DPP4: variants seen among roughly 807,000 people sequenced by gnomAD.
DPP4 encodes the protein ADCP-2.
In DPP4, 93 loss-of-function variants were observed where a neutral mutation model predicts 122.4. The observed-to-expected ratio is 0.76, with a 90% CI of 0.64 to 0.90. The LOEUF is 0.90. Ranked by LOEUF, DPP4 falls within the 40% of genes least tolerant of loss-of-function variation. The pLI, the probability that DPP4 is intolerant of heterozygous loss-of-function variation, is 0.00. For synonymous variants in DPP4, 321 were observed against 302.9 expected (o/e 1.06, Z -0.62); for missense variants, 914 against 907.3 (o/e 1.01, Z -0.09).
At chr2:162,070,702 C>A (rs1685086160) in intron 2 of DPP4, among the ~76,000 whole-genome samples, 1 of 152,040 alleles carries the variant, frequency 6.6e-6, no homozygotes, top group African/African-American at 2.4e-5. Context: ...GAATGCTGAC[C>A]TTTATTATGG....
At chr2:161,998,785 A>C (rs1476663252) in intron 23 of DPP4, among the ~76,000 whole-genome samples, 1 of 152,192 alleles carries the variant, frequency 6.6e-6, no homozygotes, top group Non-Finnish European at 1.5e-5. Context: ...TGATGTACAC[A>C]CTGTAGCTGT....
intron 23 of DPP4, among the ~76,000 whole-genome samples, chr2:161,995,641 C>A (rs866263353): frequency 2.4e-4 from 37 of 152,188 alleles, no homozygotes; most frequent in African/African-American, 8.2e-4. Context: ...ATGCAAAACC[C>A]CTTGAGTCCC....
intron 23 of DPP4, among the ~76,000 whole-genome samples, chr2:161,996,223 C>A (rs1033632938): frequency 1.3e-5 from 2 of 152,018 alleles, no homozygotes; most frequent in Non-Finnish European, 2.9e-5. Flanking sequence ...AGGATATTTA[C>A]CAAAGTTGGG....
In DPP4 at chr2:162,073,305, C is replaced by T. The variant is rs950083896; in HGVS notation, c.94+94G>A. 1.3e-5 allele frequency: 17 copies of T among 1,312,330 alleles called. No homozygotes were observed. In the Admixed American group the frequency reaches 1.4e-4, roughly 11 times the overall value. The allele number at this position is 1,312,330 out of a possible 1,614,324, so 81.3% of individuals were successfully genotyped here. A position where few individuals can be genotyped will look rare whatever the true frequency, so the allele number is the denominator to read the frequency against. On this transcript the variant is annotated intron_variant, in intron 2 of 25. Transcript: ENST00000360534. Reference sequence around the variant, plus strand: ...GCTACACTTCGGGGCACTGGTCCAACCCCACGCAAAATCCCTCGTTTCCCT... The same window carrying T: ...GCTACACTTCGGGGCACTGGTCCAATCCCACGCAAAATCCCTCGTTTCCCT...
At chr2:162,011,693 C>G (rs1682712082) in intron 20 of DPP4, 100 bp downstream of exon 20, 1 of 1,232,486 alleles carries the variant, frequency 8.1e-7, no homozygotes, top group African/African-American at 1.5e-5. Context: ...AAATTCATCC[C>G]AGAACACTTT....
intron 10 of DPP4, among the ~76,000 whole-genome samples, chr2:162,031,584 T>C (rs1367806538): frequency 6.6e-6 from 1 of 152,080 alleles, no homozygotes; most frequent in Non-Finnish European, 1.5e-5. Flanking sequence ...TTTTCCATAC[T>C]CTGTTTTTTC....
At position 162,028,736 on chromosome 2, in the gene DPP4, G is replaced by A. The variant is rs377657906; in HGVS notation, c.888-3797C>T. 8.5e-5 allele frequency among the ~76,000 whole-genome samples: 13 copies of A among 152,338 alleles called. No homozygotes were observed. In the East Asian group the frequency reaches 1.9e-3, roughly 23 times the overall value. ...AATAATAAGTTCACACCCATGTGGA[G>A]TCTACTATGTGCCAGGAACTATTCT... On this transcript the variant is annotated intron_variant, in intron 10 of 25. Transcript: ENST00000360534.
intron 2 of DPP4, among the ~76,000 whole-genome samples, chr2:162,071,628 C>G (rs1440059782): frequency 6.6e-6 from 1 of 152,186 alleles, no homozygotes; most frequent in Non-Finnish European, 1.5e-5. Context: ...GCTCAAGCAC[C>G]TCTAAGTTAT....
intron 23 of DPP4, among the ~76,000 whole-genome samples, chr2:162,002,757 A>G (rs1701183252): frequency 6.6e-6 from 1 of 152,172 alleles, no homozygotes. Context: ...CCAGAGGGGC[A>G]GCTGGGGCCT....
rs758353843 is a variant in DPP4 at position 162,024,945 on chromosome 2, A to T, written c.888-6T>A. 1.2e-6 allele frequency: 2 copies of T among 1,612,416 alleles called. No individual in the cohort carries two copies. The highest frequency in any genetic ancestry group is 1.7e-6 in the Non-Finnish European group (2 of 1,179,900). ...CATCACACAAGTAGTGATCCCTGGA[A>T]GGAAGAAAGAAAGGAAGGACAGAGA... On this transcript the variant is annotated splice_region_variant and splice_polypyrimidine_tract_variant and intron_variant, in intron 10 of 25. Coordinates refer to ENST00000360534, the MANE Select transcript of DPP4 (RefSeq NM_001935.4).
intron 5 of DPP4, among the ~76,000 whole-genome samples, chr2:162,041,668 G>A (rs937340516): frequency 2.0e-5 from 3 of 152,102 alleles, no homozygotes; most frequent in Non-Finnish European, 4.4e-5. Context: ...CAAAAGGTGT[G>A]GTACCAGCTA....
rs778837467 is a variant in DPP4 at position 162,073,999 on chromosome 2, A to G, written c.-18T>C. On this transcript the variant is annotated 5_prime_UTR_variant, in exon 1 of 26. Coordinates refer to ENST00000360534, the MANE Select transcript of DPP4 (RefSeq NM_001935.4). ...ACCTTCATCGTCGGCGTCTCCTCGG[A>G]AGTGAGCGTTCAGAGAAGGAGCGCA... 6.2e-7 allele frequency: 1 copy of G among 1,610,994 alleles called. No homozygotes were observed. Among genetic ancestry groups the G allele is most frequent in the East Asian group, 2.2e-5 (1 of 44,538 alleles).
chr2:162,016,421 C>T (rs1395964589), intron 18 of DPP4, among the ~76,000 whole-genome samples: 1 of 152,150 alleles, frequency 6.6e-6, no homozygotes, highest in African/African-American at 2.4e-5. Flanking sequence ...ATATCCTTGA[C>T]CTCTTTGGGT....
At chr2:162,030,566 C>T (rs1358920059) in intron 10 of DPP4, among the ~76,000 whole-genome samples, 1 of 152,200 alleles carries the variant, frequency 6.6e-6, no homozygotes, top group Admixed American at 6.5e-5. Context: ...GAGCAGGTTA[C>T]TAAGAGGCGT....
At chr2:162,061,039 C>T (rs933177067) in intron 2 of DPP4, among the ~76,000 whole-genome samples, 1 of 124,654 alleles carries the variant, frequency 8.0e-6, no homozygotes, top group Admixed American at 9.1e-5. Context: ...CTTCCTTCCT[C>T]TTTCTCTTTT....
intron 14 of DPP4, among the ~76,000 whole-genome samples, chr2:162,019,840 G>A (rs969219720): frequency 1.3e-5 from 2 of 152,160 alleles, no homozygotes; most frequent in Non-Finnish European, 2.9e-5. Context: ...CCTCTGCAAA[G>A]CTTTCCATTT....
chr2:162,048,465 A>G (rs1022764427), intron 2 of DPP4, among the ~76,000 whole-genome samples: 5 of 152,086 alleles, frequency 3.3e-5, no homozygotes, highest in Admixed American at 1.3e-4. Flanking sequence ...CATTGCCTAC[A>G]GGAACAAGAT....
intron 10 of DPP4, among the ~76,000 whole-genome samples, chr2:162,030,123 G>C (rs1683490124): frequency 6.6e-6 from 1 of 152,200 alleles, no homozygotes; most frequent in African/African-American, 2.4e-5. Flanking sequence ...TACTGCTCTA[G>C]ATAAAAGTTA....
intron 2 of DPP4, among the ~76,000 whole-genome samples, chr2:162,066,291 T>C (rs191472216): frequency 2.5e-4 from 38 of 151,980 alleles, no homozygotes; most frequent in African/African-American, 9.2e-4. Context: ...AGTGCTACCA[T>C]CCTTCTCCAA....
Sources: allele counts gnomAD v4.1 joint callset (sites outside exome capture counted in the v4.1 genomes callset), GRCh38; gene constraint gnomAD v4.1.1; transcripts MANE v1.5; gene names NCBI Gene and HGNC (gene_info 2026-07-23, HGNC 2026-07-21).